The following CHMP4B variants were observed in gnomAD, a reference collection of about 807,000 sequenced individuals.
CHMP4B encodes SNF7 homolog associated with Alix 1.
Under a neutral mutation model 25.1 loss-of-function variants are expected in CHMP4B, and 1 was observed. The observed-to-expected ratio is 0.04, with a 90% CI of 0.01 to 0.19. CHMP4B has a LOEUF of 0.19. Among genes scored for constraint, CHMP4B ranks in the 10% least tolerant of loss-of-function variants. The pLI, the probability that CHMP4B is intolerant of heterozygous loss-of-function variation, is 1.00. For missense variants in CHMP4B, 151 were observed against 289.7 expected (o/e 0.52, Z 3.48); for synonymous variants, 101 against 115.6 (o/e 0.87, Z 0.81).
At chr20:33,817,608 A>G (rs1978818361) in intron 1 of CHMP4B, among the ~76,000 whole-genome samples, 1 of 152,210 alleles carries the variant, frequency 6.6e-6, no homozygotes, top group Non-Finnish European at 1.5e-5. Context: ...ATTTGTTTAC[A>G]GTGGTCCAGA....
chr20:33,821,026 G>A (rs893407540), intron 1 of CHMP4B, among the ~76,000 whole-genome samples: 2 of 152,054 alleles, frequency 1.3e-5, no homozygotes, highest in South Asian at 2.1e-4. Context: ...GTCTTCCTAC[G>A]GAAGGAAGTA....
intron 2 of CHMP4B, among the ~76,000 whole-genome samples, chr20:33,850,491 C>T (rs1488097002): frequency 3.9e-5 from 6 of 152,158 alleles, no homozygotes; most frequent in South Asian, 2.1e-4. Flanking sequence ...TGCATATTTG[C>T]GGAATTTGCC....
intron 1 of CHMP4B, among the ~76,000 whole-genome samples, chr20:33,842,984 T>C (rs1402993372): frequency 6.6e-6 from 1 of 152,142 alleles, no homozygotes; most frequent in Non-Finnish European, 1.5e-5. Flanking sequence ...TTCAGAGAAG[T>C]CGTGTTTGAC....
At chr20:33,828,576 ACT>A (rs1979156652) in intron 1 of CHMP4B, among the ~76,000 whole-genome samples, 1 of 151,990 alleles carries the variant, frequency 6.6e-6, no homozygotes, top group African/African-American at 2.4e-5. Context: ...TACATTTCTG[ACT>A]CTCTGTGTGA....
chr20:33,842,863 T>C (rs1170437281), intron 1 of CHMP4B, among the ~76,000 whole-genome samples: 1 of 152,170 alleles, frequency 6.6e-6, no homozygotes, highest in African/African-American at 2.4e-5. Flanking sequence ...ATACTAGTAA[T>C]GAGTGTATAG....
chr20:33,826,416 A>G (rs576419065), intron 1 of CHMP4B, among the ~76,000 whole-genome samples: 1 of 152,120 alleles, frequency 6.6e-6, no homozygotes, highest in Admixed American at 6.5e-5. Flanking sequence ...GGGTGAGAGT[A>G]TGGGTTGCGG....
At chr20:33,851,934 C>A in intron 3 of CHMP4B, 143 bp from the exon 4 acceptor site, 2 of 1,043,466 alleles carry the variant, frequency 1.9e-6, no homozygotes, top group Non-Finnish European at 1.5e-6. Flanking sequence ...ATTTGAATCA[C>A]AGGGTCTGGA....
intron 1 of CHMP4B, among the ~76,000 whole-genome samples, chr20:33,837,973 T>C (rs1267854377): frequency 6.6e-6 from 1 of 152,204 alleles, no homozygotes; most frequent in Non-Finnish European, 1.5e-5. Flanking sequence ...GCCCTTCTTG[T>C]GTCCTTGATG....
chr20:33,833,313 C>T (rs1568608382), intron 1 of CHMP4B, among the ~76,000 whole-genome samples: 1 of 152,202 alleles, frequency 6.6e-6, no homozygotes, highest in Non-Finnish European at 1.5e-5. Context: ...TTGCCCCAGC[C>T]AGGAACTTGG....
At chr20:33,811,695 T>TC (rs1335743657) in intron 1 of CHMP4B, 37 bp downstream of exon 1, 4 of 1,597,824 alleles carry the variant, frequency 2.5e-6, no homozygotes, top group East Asian at 2.2e-5. Flanking sequence ...TGCCACGGGC[T>TC]CCCCCCAGGC....
intron 1 of CHMP4B, among the ~76,000 whole-genome samples, chr20:33,838,792 C>A (rs780969666): frequency 2.0e-5 from 3 of 152,118 alleles, no homozygotes; most frequent in Non-Finnish European, 4.4e-5. Flanking sequence ...ATCTTGATCA[C>A]CAAGAGCTAC....
intron 1 of CHMP4B, among the ~76,000 whole-genome samples, chr20:33,832,741 G>A (rs1048239659): frequency 6.7e-5 from 10 of 150,148 alleles, no homozygotes; most frequent in African/African-American, 2.0e-4. Context: ...GGTTACCTTT[G>A]AATCCTGTGC....
chr20:33,823,173 G>A (rs1978994978), intron 1 of CHMP4B, among the ~76,000 whole-genome samples: 1 of 151,708 alleles, frequency 6.6e-6, no homozygotes, highest in Non-Finnish European at 1.5e-5. Context: ...CCCAGGAAAT[G>A]AAAACATTTC....
In CHMP4B at chr20:33,818,371, C is replaced by G. The variant is rs1440832085; in HGVS notation, c.190+6713C>G. ...TCTCTGAGGTTGCAGGTTCATCTCA[C>G]CCAGCCACCCATCCAATGCCCAGAT... On this transcript the variant is annotated intron_variant, in intron 1 of 4. Coordinates refer to ENST00000217402, the MANE Select transcript of CHMP4B (RefSeq NM_176812.5). Among the ~76,000 whole-genome samples, 4 of 152,334 alleles carry G rather than the reference C, an allele frequency of 2.6e-5. No homozygotes were observed. The South Asian group carries it at 8.3e-4, about 32-fold the overall frequency.
intron 1 of CHMP4B, among the ~76,000 whole-genome samples, chr20:33,827,091 C>G (rs1466243306): frequency 1.3e-5 from 2 of 152,198 alleles, no homozygotes; most frequent in African/African-American, 4.8e-5. Flanking sequence ...CTCTCCTCCC[C>G]CTTTCCTGAG....
chr20:33,849,476 T>G (rs1410060702), intron 2 of CHMP4B, among the ~76,000 whole-genome samples: 4 of 152,200 alleles, frequency 2.6e-5, no homozygotes, highest in African/African-American at 9.7e-5. Flanking sequence ...GGCATGCGCC[T>G]GTAATCCCAG....
chr20:33,830,423 G>T (rs552520631), intron 1 of CHMP4B, among the ~76,000 whole-genome samples: 1 of 152,316 alleles, frequency 6.6e-6, no homozygotes, highest in South Asian at 2.1e-4. Flanking sequence ...AGACTGGGTG[G>T]TTTAAGCAAC....
chr20:33,843,753 C>T (rs1014358632), intron 1 of CHMP4B, among the ~76,000 whole-genome samples: 2 of 152,136 alleles, frequency 1.3e-5, no homozygotes, highest in Non-Finnish European at 2.9e-5. Context: ...TTAGTTTGCC[C>T]TGTTACACCT....
Position 33,820,763 on chromosome 20 carries a change from A to G in CHMP4B, c.190+9105A>G, listed in dbSNP as rs923147970. On this transcript the variant is annotated intron_variant, in intron 1 of 4. Coordinates refer to ENST00000217402, the MANE Select transcript of CHMP4B (RefSeq NM_176812.5). ...TAGAGCAGAAAGGAACTCAAAATGT[A>G]TGAGTGCTTGAAACTTTAAATTAAT... is the stretch of plus-strand genomic sequence containing the variant. 5.9e-5 allele frequency among the ~76,000 whole-genome samples: 9 copies of G among 152,328 alleles called. No individual in the cohort carries two copies. The South Asian group carries it at 1.4e-3, about 25-fold the overall frequency.
Sources: allele counts gnomAD v4.1 joint callset (sites outside exome capture counted in the v4.1 genomes callset), GRCh38; gene constraint gnomAD v4.1.1; transcripts MANE v1.5; gene names NCBI Gene and HGNC (gene_info 2026-07-23, HGNC 2026-07-21).